OTUD7A: variants seen among roughly 807,000 people sequenced by gnomAD.
OTUD7A encodes OTU deubiquitinase 7A.
Under a neutral mutation model 65.7 loss-of-function variants are expected in OTUD7A, and 12 were observed. The observed-to-expected ratio is 0.18, with a 90% CI of 0.12 to 0.30. The LOEUF (loss-of-function observed/expected upper bound fraction) is 0.30. OTUD7A is among the 10% of genes least tolerant of loss of function. The pLI, the probability that OTUD7A is intolerant of heterozygous loss-of-function variation, is 1.00. For missense variants in OTUD7A, 1,148 were observed against 1,304.8 expected, an observed-to-expected ratio of 0.88 and a Z score of 1.85; for synonymous variants, 641 against 586.3, an observed-to-expected ratio of 1.09 and a Z score of -1.35.
intron 4 of OTUD7A, 132 bp from the exon 5 acceptor site, chr15:31,559,319 C>A (rs751488502): frequency 2.3e-5 from 19 of 811,852 alleles, no homozygotes; most frequent in Non-Finnish European, 3.6e-5. Context: ...AGACCACACA[C>A]ATGCACATAC....
intron 1 of OTUD7A, among the ~76,000 whole-genome samples, chr15:31,684,865 G>T (rs1456697299): frequency 1.3e-5 from 2 of 148,238 alleles, no homozygotes; most frequent in African/African-American, 4.9e-5. Context: ...GATGTCAGGA[G>T]GCAGGAATGC....
At chr15:31,579,563 T>C (rs1889308717) in intron 3 of OTUD7A, among the ~76,000 whole-genome samples, 1 of 152,244 alleles carries the variant, frequency 6.6e-6, no homozygotes. Flanking sequence ...CTACTCAGAA[T>C]GGTGCATGAT....
At chr15:31,865,328 G>C (rs1176649579) in intron 1 of OTUD7A, among the ~76,000 whole-genome samples, 1 of 152,200 alleles carries the variant, frequency 6.6e-6, no homozygotes, top group African/African-American at 2.4e-5. Flanking sequence ...GAGGAATTGT[G>C]AGGAAATGGG....
chr15:31,500,673 G>A (rs1034038902), intron 10 of OTUD7A, among the ~76,000 whole-genome samples: 3 of 152,226 alleles, frequency 2.0e-5, no homozygotes, highest in South Asian at 2.1e-4. Flanking sequence ...TCCTAGGGGT[G>A]CAATCTTGTT....
At chr15:31,624,392 C>T (rs1767437364) in intron 3 of OTUD7A, among the ~76,000 whole-genome samples, 1 of 152,134 alleles carries the variant, frequency 6.6e-6, no homozygotes, top group African/African-American at 2.4e-5. Context: ...ACTAGTTAGG[C>T]AGAGGACACA....
At position 31,479,204 on chromosome 15, in the gene OTUD7A, A is replaced by C. The variant is rs562823561; in HGVS notation, c.*4090T>G. On this transcript the variant is annotated 3_prime_UTR_variant, in exon 13 of 13. Coordinates refer to ENST00000307050, the MANE Select transcript of OTUD7A (RefSeq NM_001382637.1). Reference sequence around the variant, plus strand: ...GGTGTGTCTGTCCTCAGCTGGCAGCAGAACCGGACTCAACTAGAGCAGGGG... The same window carrying C: ...GGTGTGTCTGTCCTCAGCTGGCAGCCGAACCGGACTCAACTAGAGCAGGGG... The C allele has an allele frequency of 1.3e-5, 2 of 152,378 alleles. No homozygotes were observed. The highest frequency in any genetic ancestry group is 4.8e-5 in the African/African-American group (2 of 41,592). 9.4% of individuals were successfully genotyped at this position (152,378 alleles called of 1,614,324 possible).
At position 31,809,227 on chromosome 15, in the gene OTUD7A, A is replaced by G. The variant is rs7174685; in HGVS notation, c.-100+61280T>C. Among the ~76,000 whole-genome samples, 1,269 of 152,302 alleles carry G rather than the reference A, an allele frequency of 8.3e-3. 16 individuals are homozygous for G. The highest frequency in any genetic ancestry group is 0.029 in the African/African-American group (1,196 of 41,548). On this transcript the variant is annotated intron_variant, in intron 1 of 12. Transcript: ENST00000307050. ...CACTGAGGAACGTTCCTGTAATAGAATCTGGTATCCTTTCACCACTGGCGA... is the reference window on the plus strand; with the variant it reads ...CACTGAGGAACGTTCCTGTAATAGAGTCTGGTATCCTTTCACCACTGGCGA...
chr15:31,718,255 T>C (rs1432129974), intron 1 of OTUD7A, among the ~76,000 whole-genome samples: 2 of 152,238 alleles, frequency 1.3e-5, no homozygotes, highest in African/African-American at 4.8e-5. Context: ...TCTTTGTAAA[T>C]ATTGTTTCTC....
chr15:31,778,729 GTCTC>G (rs932193725), intron 1 of OTUD7A, among the ~76,000 whole-genome samples: 7 of 151,592 alleles, frequency 4.6e-5, no homozygotes, highest in Admixed American at 1.3e-4. Context: ...AGATGTGTGT[GTCTC>G]TCTCTCTCAC....
At position 31,476,538 on chromosome 15, in the gene OTUD7A, G is replaced by A. The variant is rs1033350210; in HGVS notation, c.*6756C>T. ...ACACTCCCTCCCTGAGTGCTGGCAG[G>A]AGCAGGCTTCCAGTCTGTTTGGGCA... On this transcript the variant is annotated 3_prime_UTR_variant, in exon 13 of 13. Transcript: ENST00000307050. 3 of 152,270 alleles carry A rather than the reference G, an allele frequency of 2.0e-5. No individual in the cohort carries two copies. The highest frequency in any genetic ancestry group is 4.4e-5 in the Non-Finnish European group (3 of 68,082). The allele number at this position is 152,270 out of a possible 1,614,324, so 9.4% of individuals were successfully genotyped here.
intron 8 of OTUD7A, among the ~76,000 whole-genome samples, chr15:31,516,006 C>G (rs2041848023): frequency 6.6e-6 from 1 of 151,674 alleles, no homozygotes. Context: ...TTCAATTCTT[C>G]CATTCAACCA....
intron 3 of OTUD7A, among the ~76,000 whole-genome samples, chr15:31,610,617 A>ATATATATTTTTTTTTTTTTTTT: frequency 6.5e-5 from 2 of 30,560 alleles, no homozygotes; most frequent in African/African-American, 1.7e-4. Flanking sequence ...ATATATATAT[A>ATATATATTTTTTTTTTTTTTTT]TTTTTTTTTT....
intron 3 of OTUD7A, among the ~76,000 whole-genome samples, chr15:31,651,790 C>G (rs940381753): frequency 1.1e-4 from 16 of 152,106 alleles, no homozygotes; most frequent in African/African-American, 3.9e-4. Context: ...TAGAACAAAA[C>G]ATGTATAGGA....
chr15:31,688,063 A>G (rs1451252444), intron 1 of OTUD7A, among the ~76,000 whole-genome samples: 1 of 152,100 alleles, frequency 6.6e-6, no homozygotes, highest in Non-Finnish European at 1.5e-5. Flanking sequence ...TAAAAATACA[A>G]AAATTAGCTG....
chr15:31,760,534 T>C (rs1399610708), intron 1 of OTUD7A, among the ~76,000 whole-genome samples: 1 of 152,224 alleles, frequency 6.6e-6, no homozygotes, highest in African/African-American at 2.4e-5. Flanking sequence ...CACATTGAAG[T>C]TATCTTCCGT....
rs1203388894 is a variant in OTUD7A, at chr15:31,646,627, A to T, written c.151+8469T>A. Among the ~76,000 whole-genome samples, 5 of 151,828 alleles carry T rather than the reference A, an allele frequency of 3.3e-5. 1 individual carries two copies. Among genetic ancestry groups the T allele is most frequent in the Admixed American group, 2.6e-4 (4 of 15,242 alleles). Reference sequence around the variant, plus strand: ...AGGTATGCACCACCACGCCTGGCTAATTTTTGTATTTTTAGTAGAGACAGG... The same window carrying T: ...AGGTATGCACCACCACGCCTGGCTATTTTTTGTATTTTTAGTAGAGACAGG... On this transcript the variant is annotated intron_variant, in intron 3 of 12. Coordinates refer to ENST00000307050, the MANE Select transcript of OTUD7A (RefSeq NM_001382637.1).
At chr15:31,789,371 C>T (rs1386003456) in intron 1 of OTUD7A, among the ~76,000 whole-genome samples, 2 of 152,146 alleles carry the variant, frequency 1.3e-5, no homozygotes, top group Non-Finnish European at 2.9e-5. Context: ...AAGTAATCCC[C>T]CAAATTTTAA....
chr15:31,838,397 C>A (rs1897105849), intron 1 of OTUD7A, among the ~76,000 whole-genome samples: 1 of 152,168 alleles, frequency 6.6e-6, no homozygotes, highest in Non-Finnish European at 1.5e-5. Flanking sequence ...GGGACCAAGC[C>A]AGAGACCATG....
At chr15:31,801,228 G>A (rs765184326) in intron 1 of OTUD7A, among the ~76,000 whole-genome samples, 27 of 152,198 alleles carry the variant, frequency 1.8e-4, no homozygotes, top group East Asian at 1.9e-4. Context: ...TTGCTGAGTC[G>A]GCCTCGAACC....
Sources: allele counts gnomAD v4.1 joint callset (sites outside exome capture counted in the v4.1 genomes callset), GRCh38; gene constraint gnomAD v4.1.1; transcripts MANE v1.5; gene names NCBI Gene and HGNC (gene_info 2026-07-23, HGNC 2026-07-21).